Variants in GASK1A observed in about 807,000 individuals in gnomAD.
GASK1A encodes the protein Golgi-associated kinase 1A.
A neutral mutation model predicts 41.2 loss-of-function variants in GASK1A; 40 were observed. The observed-to-expected ratio is 0.97, with a 90% CI of 0.75 to 1.27. The LOEUF (loss-of-function observed/expected upper bound fraction) is 1.27, where lower values mean the gene tolerates loss of function less well. Ranked by LOEUF, GASK1A falls within the 50% of genes most tolerant of loss-of-function variation. The pLI, the probability that GASK1A is intolerant of heterozygous loss-of-function variation, is 0.00. For synonymous variants in GASK1A, 316 were observed against 307.1 expected (o/e 1.03, Z -0.30); for missense variants, 678 against 745.1 (o/e 0.91, Z 1.05).
At chr3:42,985,859 T>A (rs985881853) in intron 1 of GASK1A, among the ~76,000 whole-genome samples, 2 of 152,094 alleles carry the variant, frequency 1.3e-5, no homozygotes, top group African/African-American at 4.8e-5. Flanking sequence ...CAAGTATTGG[T>A]CAGGATGCCA....
At chr3:43,032,141 T>C in intron 1 of GASK1A, 126 bp from the exon 2 acceptor site, 1 of 723,112 alleles carries the variant, frequency 1.4e-6, no homozygotes, top group Non-Finnish European at 2.2e-6. Context: ...GTCCCTCCAC[T>C]TGGGCTGTGC....
In GASK1A at chr3:42,984,883, C is replaced by T. The variant is rs1191532052; in HGVS notation, c.3+5238C>T. 1.3e-5 allele frequency among the ~76,000 whole-genome samples: 2 copies of T among 152,120 alleles called. No homozygotes were observed. The highest frequency in any genetic ancestry group is 6.5e-5 in the Admixed American group (1 of 15,274). On this transcript the variant is annotated intron_variant, in intron 1 of 4. Transcript: ENST00000430121. This position sits in a 1 kb window ranked among gnomAD's most constrained non-coding sequence, Gnocchi z 4.2. ...GGAGTTGAGCTAGCACCATCACAGG[C>T]AGAGCTAGGTTGTAAGGTCATCGTT...
intron 2 of GASK1A, among the ~76,000 whole-genome samples, chr3:43,035,969 A>G (rs2089602005): frequency 6.6e-6 from 1 of 152,202 alleles, no homozygotes; most frequent in Admixed American, 6.5e-5. Context: ...CTGTCCATGA[A>G]CGAGGGCAGG....
intron 1 of GASK1A, among the ~76,000 whole-genome samples, chr3:43,008,448 A>T (rs2089447384): frequency 6.6e-6 from 1 of 152,196 alleles, no homozygotes; most frequent in Non-Finnish European, 1.5e-5. Flanking sequence ...GGTTGTCAGG[A>T]AATGCCTCAT....
intron 2 of GASK1A, among the ~76,000 whole-genome samples, chr3:43,036,479 A>C (rs1405608755): frequency 6.6e-6 from 1 of 152,158 alleles, no homozygotes; most frequent in Non-Finnish European, 1.5e-5. Flanking sequence ...CATCCCATTT[A>C]TGTAGGCACA....
At chr3:43,040,978 G>C (rs1401847916) in intron 2 of GASK1A, among the ~76,000 whole-genome samples, 1 of 150,252 alleles carries the variant, frequency 6.7e-6, no homozygotes, top group Non-Finnish European at 1.5e-5. Flanking sequence ...TGCGGTGTTT[G>C]GTTTTTTGTT....
intron 2 of GASK1A, among the ~76,000 whole-genome samples, chr3:43,039,523 A>AT (rs1355629705): frequency 1.3e-5 from 2 of 151,986 alleles, no homozygotes; most frequent in African/African-American, 4.8e-5. Flanking sequence ...TTATTTATGT[A>AT]TTTTTTAAAC....
chr3:43,011,334 G>T (rs1294261353), intron 1 of GASK1A, among the ~76,000 whole-genome samples: 1 of 149,034 alleles, frequency 6.7e-6, no homozygotes, highest in East Asian at 2.0e-4. Context: ...GTGAGCCGAG[G>T]TCGCACCACT....
intron 2 of GASK1A, 55 bp from the exon 3 acceptor site, chr3:43,053,466 C>T (rs1195924161): frequency 1.3e-6 from 2 of 1,488,452 alleles, no homozygotes; most frequent in African/African-American, 2.8e-5. Context: ...CCATGCTATG[C>T]CTGGTGGAGG....
intron 4 of GASK1A, 107 bp from the exon 5 acceptor site, chr3:43,056,069 C>T (rs1188823304): frequency 2.3e-6 from 2 of 869,558 alleles, no homozygotes; most frequent in East Asian, 2.7e-5. Context: ...TACCAGAGTT[C>T]CTCAGCTATG....
At chr3:43,019,786 A>ACACACC (rs1318514241) in intron 1 of GASK1A, among the ~76,000 whole-genome samples, 2 of 147,392 alleles carry the variant, frequency 1.4e-5, no homozygotes, top group African/African-American at 2.5e-5. Context: ...ACACACACAC[A>ACACACC]CACCCCATCA....
chr3:43,019,448 C>G (rs2089510267), intron 1 of GASK1A, among the ~76,000 whole-genome samples: 1 of 152,198 alleles, frequency 6.6e-6, no homozygotes, highest in Admixed American at 6.5e-5. Flanking sequence ...TTTGGGAAAT[C>G]AAGGAAAGCA....
chr3:43,026,963 T>A (rs886898510), intron 1 of GASK1A, among the ~76,000 whole-genome samples: 1 of 152,194 alleles, frequency 6.6e-6, no homozygotes. Flanking sequence ...CTGATAGATC[T>A]TAGGAATGTT....
At chr3:42,995,052 T>C (rs1315594302) in intron 1 of GASK1A, among the ~76,000 whole-genome samples, 1 of 152,200 alleles carries the variant, frequency 6.6e-6, no homozygotes, top group Non-Finnish European at 1.5e-5. Context: ...CACATGTGGC[T>C]AGTGGCTCTC....
intron 1 of GASK1A, among the ~76,000 whole-genome samples, chr3:42,995,579 A>G (rs1419526778): frequency 1.3e-5 from 2 of 152,194 alleles, no homozygotes; most frequent in African/African-American, 4.8e-5. Context: ...CTAATCCTGT[A>G]TGAATCTCTA....
At chr3:43,045,845 A>G (rs550471039) in intron 2 of GASK1A, among the ~76,000 whole-genome samples, 5 of 152,294 alleles carry the variant, frequency 3.3e-5, no homozygotes, top group East Asian at 1.9e-4. Flanking sequence ...TGATGGTTTT[A>G]TAAGTGCCTG....
intron 1 of GASK1A, among the ~76,000 whole-genome samples, chr3:43,012,905 G>T (rs1316235114): frequency 1.3e-5 from 2 of 149,704 alleles, no homozygotes; most frequent in African/African-American, 5.0e-5. Flanking sequence ...CAGAGAAAGG[G>T]GGGTTGTGTG....
At chr3:42,987,211 C>G (rs1364757164) in intron 1 of GASK1A, among the ~76,000 whole-genome samples, 1 of 152,252 alleles carries the variant, frequency 6.6e-6, no homozygotes, top group African/African-American at 2.4e-5. Flanking sequence ...GCCCCTGTAC[C>G]CTTTCCTCAT....
chr3:43,003,639 C>T (rs1214359891), intron 1 of GASK1A, among the ~76,000 whole-genome samples: 1 of 152,116 alleles, frequency 6.6e-6, no homozygotes, highest in African/African-American at 2.4e-5. Flanking sequence ...AAGTGGGGCT[C>T]AGCCACTTCA....
Sources: gnomAD v4.1 joint callset for allele counts (sites outside exome capture counted in the v4.1 genomes callset) on GRCh38, gnomAD v4.1.1 for gene constraint, Gnocchi (gnomAD v3.1) non-coding constraint, MANE v1.5 for transcripts, NCBI Gene and HGNC (gene_info 2026-07-23, HGNC 2026-07-21) for gene names.